The following AUTS2 variants were observed in gnomAD, a reference collection of about 807,000 sequenced individuals.
AUTS2 encodes autism susceptibility gene 2 protein.
Under a neutral mutation model 112.4 loss-of-function variants are expected in AUTS2, and 17 were observed. The observed-to-expected ratio is 0.15, with a 90% CI of 0.10 to 0.23. AUTS2 has a LOEUF of 0.23. AUTS2 is among the 10% of genes least tolerant of loss of function. AUTS2 has a pLI of 1.00. For synonymous variants in AUTS2, 751 were observed against 702.7 expected (o/e 1.07, Z -1.09); for missense variants, 1,510 against 1,701.6 (o/e 0.89, Z 1.98).
chr7:70,374,766 T>C (rs1012725067), intron 4 of AUTS2, among the ~76,000 whole-genome samples: 2 of 152,226 alleles, frequency 1.3e-5, no homozygotes, highest in African/African-American at 4.8e-5. Context: ...TAAGTCCTCA[T>C]CTTCTTGCAT....
intron 1 of AUTS2, among the ~76,000 whole-genome samples, chr7:69,864,313 T>C (rs772250980): frequency 3.9e-5 from 6 of 152,204 alleles, no homozygotes; most frequent in Non-Finnish European, 8.8e-5. Flanking sequence ...AATCAATTCC[T>C]AGTCAATTTT....
At chr7:70,231,764 GT>G (rs869073492) in intron 4 of AUTS2, among the ~76,000 whole-genome samples, 1 of 148,512 alleles carries the variant, frequency 6.7e-6, no homozygotes, top group Non-Finnish European at 1.5e-5. Flanking sequence ...TTTTTTGTTT[GT>G]TTGTTTGTTT....
chr7:70,771,664 A>G lies in AUTS2; in HGVS notation c.1830+20A>G, dbSNP rs767860404. On this transcript the variant is annotated intron_variant, in intron 11 of 18. Transcript: ENST00000342771. The stretch of plus-strand genomic sequence containing the variant: ...CCGAAGGTAAGAAACCTCACAGTGA[A>G]AACACACAGGCATGTGTCTAAGTGG... 22 of 1,606,756 alleles carry G rather than the reference A, an allele frequency of 1.4e-5. No individual in the cohort carries two copies. The highest frequency in any genetic ancestry group is 1.8e-5 in the Non-Finnish European group (21 of 1,173,654).
At chr7:70,099,264 A>G (rs774184803) in intron 2 of AUTS2, among the ~76,000 whole-genome samples, 1 of 152,160 alleles carries the variant, frequency 6.6e-6, no homozygotes, top group Non-Finnish European at 1.5e-5. Context: ...AACTCCAAAA[A>G]CTGTTAGAAT....
chr7:70,284,809 G>C (rs1788381941), intron 4 of AUTS2, among the ~76,000 whole-genome samples: 1 of 152,166 alleles, frequency 6.6e-6, no homozygotes, highest in Admixed American at 6.6e-5. Flanking sequence ...TCCAGCACTG[G>C]AAAGGAAGAC....
chr7:69,972,468 T>C (rs1367883246), intron 2 of AUTS2, among the ~76,000 whole-genome samples: 1 of 152,198 alleles, frequency 6.6e-6, no homozygotes, highest in African/African-American at 2.4e-5. Flanking sequence ...TGCAGTCCAG[T>C]GTATGGATCC....
chr7:70,008,933 G>C (rs1799666871), intron 2 of AUTS2, among the ~76,000 whole-genome samples: 1 of 151,944 alleles, frequency 6.6e-6, no homozygotes, highest in South Asian at 2.1e-4. Context: ...TTTTTATCCT[G>C]CACTTCTTTT....
At chr7:70,787,003 G>GAA in intron 17 of AUTS2, 4 of 587,522 alleles carry the variant, frequency 6.8e-6, no homozygotes, top group South Asian at 2.0e-5. Flanking sequence ...GTTTTAAAAA[G>GAA]AAAAAAAAAA....
chr7:70,477,889 T>G (rs1797641444), intron 5 of AUTS2, among the ~76,000 whole-genome samples: 1 of 152,252 alleles, frequency 6.6e-6, no homozygotes, highest in Admixed American at 6.5e-5. Context: ...TGTTGGGTCA[T>G]CCGGGGAACT....
At chr7:70,771,680 G>GTGTTT in intron 11 of AUTS2, 36 bp downstream of exon 11, 1 of 1,591,678 alleles carries the variant, frequency 6.3e-7, no homozygotes, top group Non-Finnish European at 8.6e-7. Flanking sequence ...ACAGGCATGT[G>GTGTTT]TCTAAGTGGC....
intron 5 of AUTS2, among the ~76,000 whole-genome samples, chr7:70,543,961 T>G (rs1188301663): frequency 6.6e-6 from 1 of 152,118 alleles, no homozygotes; most frequent in Admixed American, 6.5e-5. Flanking sequence ...CAGGCTTTGG[T>G]GAATTAGACC....
intron 1 of AUTS2, among the ~76,000 whole-genome samples, chr7:69,801,788 A>G (rs1180762720): frequency 1.3e-5 from 2 of 152,212 alleles, no homozygotes; most frequent in African/African-American, 4.8e-5. Context: ...TCAATGGAAC[A>G]TGCATTTTAG....
chr7:70,308,409 T>C (rs7798991), intron 4 of AUTS2, among the ~76,000 whole-genome samples: 53,838 of 152,070 alleles, frequency 0.35, 10,750 homozygotes, highest in African/African-American at 0.55. Context: ...TAAGAGCAAA[T>C]TGATTAGATC....
At position 70,178,040 on chromosome 7, in the gene AUTS2, C is replaced by T. The variant is rs183361889; in HGVS notation, c.660+43469C>T. ...AAGCGATTCTCCTGCCTCAGCCTCC[C>T]GAGTAGCTGGGGCTACAGGTGTGTG... On this transcript the variant is annotated intron_variant, in intron 4 of 18. Coordinates refer to ENST00000342771, the MANE Select transcript of AUTS2 (RefSeq NM_015570.4). Among the ~76,000 whole-genome samples, 486 of 152,002 alleles carry T rather than the reference C, an allele frequency of 3.2e-3. 3 individuals carry two copies. The highest frequency in any genetic ancestry group is 4.7e-3 in the Non-Finnish European group (321 of 67,966).
intron 1 of AUTS2, among the ~76,000 whole-genome samples, chr7:69,695,864 G>A (rs1020585004): frequency 1.3e-5 from 2 of 151,962 alleles, no homozygotes; most frequent in East Asian, 1.9e-4. Context: ...TTTTAAGCAC[G>A]GTTTCTTGGT....
At chr7:70,214,596 C>T (rs561704833) in intron 4 of AUTS2, among the ~76,000 whole-genome samples, 10 of 152,230 alleles carry the variant, frequency 6.6e-5, no homozygotes, top group African/African-American at 2.4e-4. Context: ...TGAATGTGCA[C>T]CCTGTTTGAA....
intron 5 of AUTS2, among the ~76,000 whole-genome samples, chr7:70,472,240 T>G (rs1562975998): frequency 6.6e-6 from 1 of 152,236 alleles, no homozygotes; most frequent in African/African-American, 2.4e-5. Flanking sequence ...GAGAACAGAC[T>G]GATGGACCGA....
rs1449949162 is a variant in AUTS2, at chr7:70,268,419, A to G, written c.660+133848A>G. 2.0e-5 allele frequency among the ~76,000 whole-genome samples: 3 copies of G among 152,326 alleles called. No homozygotes were observed. The East Asian group carries it at 5.8e-4, about 29-fold the overall frequency. On this transcript the variant is annotated intron_variant, in intron 4 of 18. Coordinates refer to ENST00000342771, the MANE Select transcript of AUTS2 (RefSeq NM_015570.4). ...TGTAAGTCCAATAAACTTCCTTTCTATAAGTAGCTTAGTACAGTCTTTGTT... is the reference window on the plus strand; with the variant it reads ...TGTAAGTCCAATAAACTTCCTTTCTGTAAGTAGCTTAGTACAGTCTTTGTT...
At chr7:70,462,469 A>G (rs909368010) in intron 5 of AUTS2, among the ~76,000 whole-genome samples, 2 of 152,096 alleles carry the variant, frequency 1.3e-5, no homozygotes, top group African/African-American at 2.4e-5. Context: ...ACTTTTCTCT[A>G]TGTTTGAAAA....
Sources: gnomAD v4.1 joint callset for allele counts (sites outside exome capture counted in the v4.1 genomes callset) on GRCh38, gnomAD v4.1.1 for gene constraint, MANE v1.5 for transcripts, NCBI Gene and HGNC (gene_info 2026-07-23, HGNC 2026-07-21) for gene names.